BCL2: variants seen among roughly 807,000 people sequenced by gnomAD.
BCL2 encodes apoptosis regulator Bcl-2.
BCL2 carries 1 observed loss-of-function variant against 14.2 expected under a neutral mutation model. The ratio of observed to expected loss-of-function variants is 0.07; its 90% CI spans 0.02 to 0.33. The LOEUF (loss-of-function observed/expected upper bound fraction) is 0.33. Among genes scored for constraint, BCL2 ranks in the 10% least tolerant of loss-of-function variants. The probability of loss-of-function intolerance (pLI) is 0.99; values close to 1 mark genes in which losing one functional copy is unlikely to be tolerated. For synonymous variants in BCL2, 151 were observed against 137.2 expected (o/e 1.10, Z -0.70); for missense variants, 247 against 305.9 (o/e 0.81, Z 1.44).
At chr18:63,286,509 G>A (rs185207782) in intron 2 of BCL2, among the ~76,000 whole-genome samples, 1 of 152,270 alleles carries the variant, frequency 6.6e-6, no homozygotes, top group Admixed American at 6.5e-5. Flanking sequence ...GTAGGGGCGA[G>A]GATTGGGAGC....
chr18:63,282,932 A>C (rs887182217), intron 2 of BCL2, among the ~76,000 whole-genome samples: 9 of 152,172 alleles, frequency 5.9e-5, no homozygotes, highest in Admixed American at 5.9e-4. Flanking sequence ...CAATTCAAAA[A>C]TTCTTCTGAA....
chr18:63,266,637 T>TCTCTCTCTCTCTCTCACACACA (rs1491465885), intron 2 of BCL2, among the ~76,000 whole-genome samples: 16 of 86,010 alleles, frequency 1.9e-4, no homozygotes, highest in African/African-American at 5.4e-4. Flanking sequence ...TCTCTCTCTC[T>TCTCTCTCTCTCTCTCACACACA]CACACACACA....
At chr18:63,264,769 G>A (rs189775156) in intron 2 of BCL2, among the ~76,000 whole-genome samples, 54 of 152,304 alleles carry the variant, frequency 3.5e-4, no homozygotes, top group African/African-American at 1.2e-3. Context: ...CAATGGGAAC[G>A]AAGAGATAGC....
rs571568058 is a variant in BCL2, at chr18:63,161,937, C to T, written c.586-33178G>A. 11 of 152,330 alleles carry T rather than the reference C, an allele frequency of 7.2e-5. No individual in the cohort carries two copies. In the East Asian group the frequency reaches 1.7e-3, roughly 24 times the overall value. The allele number at this position is 152,330 out of a possible 1,614,324, so 9.4% of individuals were successfully genotyped here. Reference sequence around the variant, plus strand: ...GTGACTCATCCTCAGCCTCACCAGCCGGTCCATGTGACCTGCAGTGCTGGT... The same window carrying T: ...GTGACTCATCCTCAGCCTCACCAGCTGGTCCATGTGACCTGCAGTGCTGGT... On this transcript the variant is annotated intron_variant, in intron 2 of 2. Coordinates refer to ENST00000333681, the MANE Select transcript of BCL2 (RefSeq NM_000633.3).
chr18:63,136,516 G>GAT (rs1380003946), intron 2 of BCL2, among the ~76,000 whole-genome samples: 1 of 152,224 alleles, frequency 6.6e-6, no homozygotes, highest in Non-Finnish European at 1.5e-5. Context: ...CTAAGACAAA[G>GAT]ATTTGAGTGC....
chr18:63,281,274 G>T (rs965251189), intron 2 of BCL2, among the ~76,000 whole-genome samples: 2 of 152,186 alleles, frequency 1.3e-5, no homozygotes, highest in East Asian at 1.9e-4. Context: ...ACATTGTGAA[G>T]AAACTTCATG....
chr18:63,128,898 T>C (rs918660759), intron 2 of BCL2, 139 bp from the exon 3 acceptor site: 9 of 579,304 alleles, frequency 1.6e-5, no homozygotes, highest in Middle Eastern at 4.5e-4. Flanking sequence ...AGGCAAATGC[T>C]CTTTGGAGGC....
chr18:63,284,365 A>G (rs939742335), intron 2 of BCL2, among the ~76,000 whole-genome samples: 10 of 152,182 alleles, frequency 6.6e-5, no homozygotes, highest in African/African-American at 2.4e-4. Context: ...TTGAGGAGAA[A>G]AGAGAGGAAG....
rs1913908559 is a variant in BCL2 at position 63,126,274 on chromosome 18, G to C, written c.*2351C>G. The C allele has an allele frequency of 4.5e-6, 1 of 220,980 alleles. No homozygotes were observed. The highest frequency in any genetic ancestry group is 9.1e-6 in the Non-Finnish European group (1 of 109,912). 13.7% of individuals were successfully genotyped at this position (220,980 alleles called of 1,614,324 possible). ...TTCTTGGTGGAGCGTAAGCACCACT[G>C]CATTTCAGGAAGACCCTGAAGGACA... On this transcript the variant is annotated 3_prime_UTR_variant, in exon 3 of 3. Coordinates refer to ENST00000333681, the MANE Select transcript of BCL2 (RefSeq NM_000633.3).
chr18:63,280,390 T>C (rs181579682), intron 2 of BCL2, among the ~76,000 whole-genome samples: 3 of 152,350 alleles, frequency 2.0e-5, no homozygotes, highest in Admixed American at 6.5e-5. Flanking sequence ...ACATCTGGCA[T>C]ACTGTAAGCC....
At chr18:63,162,503 C>T (rs994041052) in intron 2 of BCL2, among the ~76,000 whole-genome samples, 3 of 152,134 alleles carry the variant, frequency 2.0e-5, no homozygotes, top group East Asian at 1.9e-4. Flanking sequence ...AGGCCCAGCT[C>T]GGGGACACTA....
chr18:63,155,726 G>C (rs542609868), intron 2 of BCL2, among the ~76,000 whole-genome samples: 216 of 152,314 alleles, frequency 1.4e-3, no homozygotes, highest in African/African-American at 5.1e-3. Context: ...GGAAGAGAGA[G>C]GGAGGGCTGC....
intron 2 of BCL2, among the ~76,000 whole-genome samples, chr18:63,253,001 C>G (rs969738270): frequency 1.3e-5 from 2 of 152,216 alleles, no homozygotes; most frequent in Admixed American, 1.3e-4. Flanking sequence ...GCACAGACAA[C>G]AGACACCAAC....
intron 2 of BCL2, among the ~76,000 whole-genome samples, chr18:63,254,824 G>A (rs1464253061): frequency 6.6e-6 from 1 of 152,184 alleles, no homozygotes; most frequent in East Asian, 1.9e-4. Flanking sequence ...ATTGCCAGAA[G>A]GCACCATACT....
At chr18:63,176,755 C>A (rs1915359385) in intron 2 of BCL2, among the ~76,000 whole-genome samples, 1 of 152,116 alleles carries the variant, frequency 6.6e-6, no homozygotes, top group African/African-American at 2.4e-5. Context: ...ATCTTCTCTT[C>A]CAGCTATTTT....
chr18:63,186,775 C>T (rs933995453), intron 2 of BCL2, among the ~76,000 whole-genome samples: 1 of 152,194 alleles, frequency 6.6e-6, no homozygotes. Flanking sequence ...AAATCCCTAA[C>T]TGTGGTGTAT....
rs1913920608 is a variant in BCL2 at position 63,126,755 on chromosome 18, T to C, written c.*1870A>G. 1 of 226,710 alleles carries C rather than the reference T, an allele frequency of 4.4e-6. No homozygotes were observed. The highest frequency in any genetic ancestry group is 8.8e-6 in the Non-Finnish European group (1 of 113,914). 14.0% of individuals were successfully genotyped at this position (226,710 alleles called of 1,614,324 possible). On this transcript the variant is annotated 3_prime_UTR_variant, in exon 3 of 3. Coordinates refer to ENST00000333681, the MANE Select transcript of BCL2 (RefSeq NM_000633.3). ...GAAAACGATCACCTTTGCTCACAAATAGTGTATAGGCCATAACTAAATACA... is the reference window on the plus strand; with the variant it reads ...GAAAACGATCACCTTTGCTCACAAACAGTGTATAGGCCATAACTAAATACA...
chr18:63,163,495 T>C (rs2144621243), intron 2 of BCL2, among the ~76,000 whole-genome samples: 1 of 152,334 alleles, frequency 6.6e-6, no homozygotes, highest in South Asian at 2.1e-4. Context: ...TTGAAACAAA[T>C]ATTATTTTAA....
chr18:63,317,641 T>A (rs990946037), intron 2 of BCL2: 84 of 1,018,190 alleles, frequency 8.2e-5, no homozygotes, highest in Non-Finnish European at 9.5e-5. Flanking sequence ...ACGGGCTTGT[T>A]TCAGGGGAGC....
Sources: allele counts gnomAD v4.1 joint callset (sites outside exome capture counted in the v4.1 genomes callset), GRCh38; gene constraint gnomAD v4.1.1; transcripts MANE v1.5; gene names NCBI Gene and HGNC (gene_info 2026-07-23, HGNC 2026-07-21).